Variants in CSNK1G3 observed in about 807,000 individuals in gnomAD.
CSNK1G3 encodes the protein casein kinase 1 gamma 3, also known as casein kinase I isoform gamma-3.
In CSNK1G3, 23 loss-of-function variants were observed where a neutral mutation model predicts 64.3. The observed-to-expected ratio is 0.36, with a 90% CI of 0.26 to 0.51. The LOEUF is 0.51. Among genes scored for constraint, CSNK1G3 ranks in the 20% least tolerant of loss-of-function variants. The probability of loss-of-function intolerance (pLI) is 0.96; values close to 1 mark genes in which losing one functional copy is unlikely to be tolerated. For missense variants in CSNK1G3, 357 were observed against 510.5 expected (o/e 0.70, Z 2.90); for synonymous variants, 158 against 162.2 (o/e 0.97, Z 0.20).
exon 10 of CSNK1G3, chr5:123,591,405 C>G (rs1279217079): frequency 1.0e-5 from 16 of 1,604,844 alleles, no homozygotes; most frequent in Non-Finnish European, 1.4e-5. Flanking sequence ...TGCAACAATC[C>G]AAAAACCAGG....
intron 1 of CSNK1G3, among the ~76,000 whole-genome samples, chr5:123,530,210 A>G (rs1779705799): frequency 1.3e-5 from 2 of 152,210 alleles, no homozygotes; most frequent in African/African-American, 2.4e-5. Flanking sequence ...AATAGAAGGC[A>G]TAAAAAGACA....
At chr5:123,573,455 C>T (rs1259088101) in exon 5 of CSNK1G3, 1 of 1,613,906 alleles carries the variant, frequency 6.2e-7, no homozygotes, top group Non-Finnish European at 8.5e-7. Flanking sequence ...GGTGCTGGAA[C>T]TGCTGGGACC....
intron 1 of CSNK1G3, among the ~76,000 whole-genome samples, chr5:123,536,428 T>TC: frequency 6.8e-6 from 1 of 147,294 alleles, no homozygotes; most frequent in African/African-American, 2.5e-5. Flanking sequence ...TGAAGGGCTT[T>TC]TTTTTTTTTT....
At chr5:123,544,481 A>G (rs1016709890) in intron 1 of CSNK1G3, among the ~76,000 whole-genome samples, 1 of 152,240 alleles carries the variant, frequency 6.6e-6, no homozygotes, top group Admixed American at 6.5e-5. Context: ...TGTAATAGGA[A>G]TAAGTATTTG....
intron 1 of CSNK1G3, among the ~76,000 whole-genome samples, chr5:123,542,894 A>G (rs1475965749): frequency 7.9e-6 from 1 of 127,354 alleles, no homozygotes; most frequent in Non-Finnish European, 1.6e-5. Context: ...GTGTTTACCA[A>G]ATTTGGGGAG....
intron 10 of CSNK1G3, among the ~76,000 whole-genome samples, chr5:123,593,202 T>TATATAC (rs375876147): frequency 6.1e-5 from 9 of 146,928 alleles, no homozygotes; most frequent in Non-Finnish European, 9.0e-5. Context: ...TGTGTATATA[T>TATATAC]ACACACACAC....
At chr5:123,564,966 G>C (rs1054694033) in intron 4 of CSNK1G3, among the ~76,000 whole-genome samples, 1 of 152,038 alleles carries the variant, frequency 6.6e-6, no homozygotes, top group Non-Finnish European at 1.5e-5. Context: ...GAGCACTTTT[G>C]TTGTTGTGGG....
intron 10 of CSNK1G3, among the ~76,000 whole-genome samples, chr5:123,602,916 C>T (rs914930122): frequency 2.6e-5 from 4 of 152,076 alleles, no homozygotes; most frequent in Non-Finnish European, 5.9e-5. Context: ...TCTCATCTCA[C>T]CCTCATATCA....
At chr5:123,533,911 T>C (rs564201011) in intron 1 of CSNK1G3, among the ~76,000 whole-genome samples, 14 of 152,084 alleles carry the variant, frequency 9.2e-5, no homozygotes, top group Admixed American at 3.3e-4. Context: ...ATATTTGTGA[T>C]TGAGGGACTA....
intron 3 of CSNK1G3, among the ~76,000 whole-genome samples, chr5:123,557,293 A>G (rs1554073276): frequency 6.6e-6 from 1 of 152,158 alleles, no homozygotes; most frequent in Non-Finnish European, 1.5e-5. Flanking sequence ...TCTAATGGCT[A>G]CTTAGTTTAT....
At chr5:123,608,396 T>C (rs934958594) in intron 12 of CSNK1G3, among the ~76,000 whole-genome samples, 4 of 152,188 alleles carry the variant, frequency 2.6e-5, no homozygotes, top group African/African-American at 4.8e-5. Context: ...TCATTAGTAA[T>C]GAGGTTTTGT....
intron 10 of CSNK1G3, among the ~76,000 whole-genome samples, chr5:123,596,643 CAT>C (rs112125160): frequency 7.2e-5 from 11 of 152,088 alleles, no homozygotes; most frequent in Non-Finnish European, 1.5e-4. Context: ...TATTGTTTCA[CAT>C]GTTTTCACAG....
chr5:123,533,867 C>T (rs1479127903), intron 1 of CSNK1G3, among the ~76,000 whole-genome samples: 1 of 150,202 alleles, frequency 6.7e-6, no homozygotes, highest in East Asian at 1.9e-4. Context: ...TGTTAGCTTT[C>T]CTGATGTATC....
intron 1 of CSNK1G3, among the ~76,000 whole-genome samples, chr5:123,544,082 T>C (rs1448461631): frequency 6.6e-6 from 1 of 152,050 alleles, no homozygotes; most frequent in Non-Finnish European, 1.5e-5. Context: ...CTCACAGTCT[T>C]CCTATACGCA....
At chr5:123,579,037 G>A (rs548092765) in intron 6 of CSNK1G3, among the ~76,000 whole-genome samples, 38 of 151,964 alleles carry the variant, frequency 2.5e-4, no homozygotes, top group African/African-American at 9.2e-4. Flanking sequence ...CTGCTCAAAA[G>A]TACCTTCAAA....
At chr5:123,572,602 G>A (rs1561546033) in intron 4 of CSNK1G3, among the ~76,000 whole-genome samples, 1 of 152,148 alleles carries the variant, frequency 6.6e-6, no homozygotes, top group African/African-American at 2.4e-5. Context: ...TCTCTTCCAA[G>A]TTCACTGATT....
chr5:123,565,447 A>G (rs1205954439), intron 4 of CSNK1G3, among the ~76,000 whole-genome samples: 1 of 152,212 alleles, frequency 6.6e-6, no homozygotes, highest in African/African-American at 2.4e-5. Context: ...ATAGGGTGAT[A>G]CTGTGTGATA....
intron 1 of CSNK1G3, among the ~76,000 whole-genome samples, chr5:123,518,683 A>T (rs1242473775): frequency 6.6e-6 from 1 of 152,214 alleles, no homozygotes; most frequent in African/African-American, 2.4e-5. Flanking sequence ...AAGTAAGGTT[A>T]TCATGGTTGG....
At chr5:123,513,661 G>A (rs1335788766) in intron 1 of CSNK1G3, among the ~76,000 whole-genome samples, 1 of 152,114 alleles carries the variant, frequency 6.6e-6, no homozygotes, top group East Asian at 1.9e-4. Flanking sequence ...CCACAGATAT[G>A]AGAGATGGCA....
Sources: allele counts gnomAD v4.1 joint callset (sites outside exome capture counted in the v4.1 genomes callset), GRCh38; gene constraint gnomAD v4.1.1; transcripts MANE v1.5; gene names NCBI Gene and HGNC (gene_info 2026-07-23, HGNC 2026-07-21).